The following GPHN variants were observed in gnomAD, a reference collection of about 807,000 sequenced individuals.
GPHN encodes the protein gephyrin.
A neutral mutation model predicts 95.5 loss-of-function variants in GPHN; 17 were observed. That is an observed-to-expected ratio of 0.18 (90% CI 0.12 to 0.27). GPHN has a LOEUF of 0.27. GPHN is among the 10% of genes least tolerant of loss of function. The pLI is 1.00. For missense variants in GPHN, 660 were observed against 978.1 expected (o/e 0.67, Z 4.34); for synonymous variants, 320 against 322.5 (o/e 0.99, Z 0.08).
the GPHN span, among the ~76,000 whole-genome samples, chr14:67,527,303 T>C: frequency 5.3e-5 from 8 of 152,246 alleles, no homozygotes; most frequent in South Asian, 1.5e-3. Context: ...AAAATGGAGA[T>C]AAAAATGGCT....
the GPHN span, chr14:67,674,404 G>C: frequency 6.2e-7 from 1 of 1,604,612 alleles, no homozygotes; most frequent in Non-Finnish European, 8.5e-7. Context: ...CAGCCGCTCG[G>C]GCACCCCTTG....
intron 1 of GPHN, among the ~76,000 whole-genome samples, chr14:66,669,355 ACT>A (rs1360911196): frequency 3.0e-5 from 4 of 135,086 alleles, no homozygotes; most frequent in African/African-American, 1.3e-4. Flanking sequence ...CAAGAGTGAA[ACT>A]CTGTCTCAAA....
At chr14:67,657,806 T>G in the GPHN span, among the ~76,000 whole-genome samples, 1 of 145,634 alleles carries the variant, frequency 6.9e-6, no homozygotes, top group Non-Finnish European at 1.5e-5. Flanking sequence ...TGGAGTGGAG[T>G]GGCAAGATCT....
At chr14:67,341,622 C>T in the GPHN span, among the ~76,000 whole-genome samples, 530 of 152,176 alleles carry the variant, frequency 3.5e-3, 3 homozygotes, top group Non-Finnish European at 6.1e-3. Context: ...CGCCTCTGCC[C>T]GGCCACCCCT....
chr14:67,068,402 A>G (rs1342257126), intron 11 of GPHN, among the ~76,000 whole-genome samples: 3 of 152,242 alleles, frequency 2.0e-5, no homozygotes, highest in African/African-American at 7.2e-5. Flanking sequence ...CATTCCTGGC[A>G]TAACTATGGA....
At chr14:66,954,060 A>C (rs2068317060) in intron 8 of GPHN, among the ~76,000 whole-genome samples, 2 of 150,976 alleles carry the variant, frequency 1.3e-5, no homozygotes, top group African/African-American at 4.9e-5. Flanking sequence ...AAAGGAAGAA[A>C]GCAGGAATTA....
rs575402673 is a variant in GPHN at position 66,631,160 on chromosome 14, G to A, written c.65-49947G>A. 4.0e-5 allele frequency among the ~76,000 whole-genome samples: 6 copies of A among 151,726 alleles called. No homozygotes were observed. In the South Asian group the frequency reaches 1.0e-3, roughly 26 times the overall value. ...ACCTCTTGGGTTCAAGCGAGTCTTC[G>A]TCCTCAGCCTCCTGAGTAGCTGGGA... On this transcript the variant is annotated intron_variant, in intron 1 of 22. Transcript: ENST00000478722.
At chr14:67,284,533 C>A in the GPHN span, among the ~76,000 whole-genome samples, 1 of 106,816 alleles carries the variant, frequency 9.4e-6, no homozygotes, top group African/African-American at 3.6e-5. Context: ...CCCAGGAGAT[C>A]GAGGCTGCAG....
At chr14:67,302,598 T>C in the GPHN span, 2 of 1,421,392 alleles carry the variant, frequency 1.4e-6, no homozygotes, top group South Asian at 1.8e-5. Context: ...AGAAGAATAA[T>C]TGATAGCTTT....
At chr14:66,711,010 A>C (rs1200354739) in intron 2 of GPHN, among the ~76,000 whole-genome samples, 1 of 152,120 alleles carries the variant, frequency 6.6e-6, no homozygotes, top group Non-Finnish European at 1.5e-5. Context: ...TATTATGCAA[A>C]TTTTATTGTA....
chr14:66,748,072 A>G (rs910492141), intron 2 of GPHN, among the ~76,000 whole-genome samples: 2 of 152,080 alleles, frequency 1.3e-5, no homozygotes, highest in African/African-American at 4.8e-5. Context: ...AGCCAATAAT[A>G]TTAATTACTT....
At chr14:67,125,609 TG>T (rs2079257092) in intron 17 of GPHN, among the ~76,000 whole-genome samples, 1 of 152,162 alleles carries the variant, frequency 6.6e-6, no homozygotes, top group Non-Finnish European at 1.5e-5. Context: ...AACCCCCGTC[TG>T]TACTAAAAAT....
the GPHN span, among the ~76,000 whole-genome samples, chr14:67,632,808 A>ATTTTTTTTTT: frequency 1.6e-5 from 1 of 62,358 alleles, no homozygotes; most frequent in Non-Finnish European, 2.8e-5. Flanking sequence ...AAGCCTCTTA[A>ATTTTTTTTTT]TTTTTTTTTT....
intron 5 of GPHN, among the ~76,000 whole-genome samples, chr14:66,913,305 T>C (rs2153556756): frequency 6.6e-6 from 1 of 152,140 alleles, no homozygotes; most frequent in East Asian, 1.9e-4. Flanking sequence ...GCATTATTTT[T>C]CCCCTCCTCC....
the GPHN span, among the ~76,000 whole-genome samples, chr14:67,607,447 A>C: frequency 6.6e-6 from 1 of 152,036 alleles, no homozygotes; most frequent in Non-Finnish European, 1.5e-5. Flanking sequence ...GCTCACTGCA[A>C]CCTCTGCCTC....
chr14:66,912,402 T>C (rs1183366811), intron 5 of GPHN, among the ~76,000 whole-genome samples: 1 of 152,134 alleles, frequency 6.6e-6, no homozygotes, highest in East Asian at 1.9e-4. Context: ...GCCCTTCCTA[T>C]TGTTCCCAAA....
chr14:66,623,194 A>T (rs2063377977), intron 1 of GPHN, among the ~76,000 whole-genome samples: 1 of 152,172 alleles, frequency 6.6e-6, no homozygotes, highest in Non-Finnish European at 1.5e-5. Context: ...GAACTTGTGC[A>T]GGGAAACTCC....
chr14:66,853,359 A>G (rs575580119), intron 4 of GPHN, among the ~76,000 whole-genome samples: 1 of 152,302 alleles, frequency 6.6e-6, no homozygotes, highest in Admixed American at 6.5e-5. Context: ...ATGCCTGTTA[A>G]TCTTCAACAC....
chr14:67,708,794 CT>C, the GPHN span, among the ~76,000 whole-genome samples: 582 of 136,874 alleles, frequency 4.3e-3, 3 homozygotes, highest in African/African-American at 9.5e-3. Context: ...TTAATAATAC[CT>C]TTTTTTTTTT....
Sources: gnomAD v4.1 joint callset for allele counts (sites outside exome capture counted in the v4.1 genomes callset) on GRCh38, gnomAD v4.1.1 for gene constraint, MANE v1.5 for transcripts, NCBI Gene and HGNC (gene_info 2026-07-23, HGNC 2026-07-21) for gene names.